Variants in MIOX observed in about 807,000 individuals in gnomAD.
MIOX encodes the protein inositol oxygenase.
MIOX carries 51 observed loss-of-function variants against 42.7 expected under a neutral mutation model. That is an observed-to-expected ratio of 1.19 (90% CI 0.95 to 1.51). The LOEUF (loss-of-function observed/expected upper bound fraction) is 1.51. Ranked by LOEUF, MIOX falls within the 40% of genes most tolerant of loss-of-function variation. MIOX has a pLI of 0.00. For synonymous variants in MIOX, 168 were observed against 154.4 expected (o/e 1.09, Z -0.65); for missense variants, 395 against 381.3 (o/e 1.04, Z -0.30).
In MIOX at chr22:50,490,616, C is replaced by T. The variant is rs1045794997; in HGVS notation, c.*760C>T. The T allele has an allele frequency of 3.3e-5, 5 of 151,214 alleles. No homozygotes were observed. Among genetic ancestry groups the T allele is most frequent in the African/African-American group, 1.2e-4 (5 of 41,312 alleles). 9.4% of individuals were successfully genotyped at this position (151,214 alleles called of 1,614,324 possible). ...CTGGGTATCAAGAGTGAAATTCCAT[C>T]TCAAAAAAAATAAATAAAATAAAAT... On this transcript the variant is annotated 3_prime_UTR_variant, in exon 10 of 10. Transcript: ENST00000216075.
chr22:50,489,921 G>A lies in MIOX; in HGVS notation c.*65G>A. 6.7e-7 allele frequency: 1 copy of A among 1,491,630 alleles called. No homozygotes were observed. Among genetic ancestry groups the A allele is most frequent in the East Asian group, 2.3e-5 (1 of 44,070 alleles). 92.4% of individuals were successfully genotyped at this position (1,491,630 alleles called of 1,614,324 possible). ...CCCTCCGCCTGCCTGGAGAGGCCTGGCCCTGGGCAAACAGCCGCCATCAGG... is the reference window on the plus strand; with the variant it reads ...CCCTCCGCCTGCCTGGAGAGGCCTGACCCTGGGCAAACAGCCGCCATCAGG... On this transcript the variant is annotated 3_prime_UTR_variant, in exon 10 of 10. Coordinates refer to ENST00000216075, the MANE Select transcript of MIOX (RefSeq NM_017584.6).
chr22:50,487,717 A>G lies in MIOX; in HGVS notation c.152A>G (p.Gln51Arg), dbSNP rs1479911217. 1 of 1,613,902 alleles carries G rather than the reference A, an allele frequency of 6.2e-7. No individual in the cohort carries two copies. The part of the protein sequence containing the change: ...FTTYKLMHTH[Q>R]TVDFVRSKHA... ...ACCTACAAGCTCATGCACACGCACC[A>G]GACAGTGGACTTCGTCAGGAGCAAG... is the stretch of plus-strand genomic sequence containing the variant. The change falls in exon 3 of 10, where the codon CAG becomes CGG. Residue 51 changes from glutamine (Q) to arginine (R), a missense_variant. Coordinates refer to ENST00000216075, the MANE Select transcript of MIOX (RefSeq NM_017584.6).
At position 50,487,470 on chromosome 22, in the gene MIOX, GT is replaced by G. The variant is rs766686461; in HGVS notation, c.96+6del. The G allele has an allele frequency of 2.7e-5, 43 of 1,612,162 alleles. No homozygotes were observed. The highest frequency in any genetic ancestry group is 5.1e-6 in the Non-Finnish European group (6 of 1,179,034). ...GCCAGCTTCCGGAACTACACGGTGA[GT>G]ACCTTGCCGTCCTGCCCCCCTTCTC... On this transcript the variant is annotated splice_donor_region_variant and intron_variant, in intron 2 of 9. Coordinates refer to ENST00000216075, the MANE Select transcript of MIOX (RefSeq NM_017584.6).
At position 50,488,033 on chromosome 22, in the gene MIOX, G is replaced by A. The variant is rs777152878; in HGVS notation, c.325G>A (p.Ala109Thr). The A allele has an allele frequency of 3.1e-6, 5 of 1,613,534 alleles. No individual in the cohort carries two copies. Among genetic ancestry groups the A allele is most frequent in the African/African-American group, 1.3e-5 (1 of 74,922 alleles). Reference sequence around the variant, plus strand: ...CCAGACAGCGGAGGGCATCCGGAAGGCCCACCCAGACAAGGGTGAGCCCTG... The same window carrying A: ...CCAGACAGCGGAGGGCATCCGGAAGACCCACCCAGACAAGGGTGAGCCCTG... ...AFQTAEGIRK[A>T]HPDKDWFHLV... Residue 109 changes from alanine (A) to threonine (T), a missense_variant, in exon 4 of 10, where the codon GCC becomes ACC. Coordinates refer to ENST00000216075, the MANE Select transcript of MIOX (RefSeq NM_017584.6).
chr22:50,489,865 C>A lies in MIOX; in HGVS notation c.*9C>A. On this transcript the variant is annotated 3_prime_UTR_variant, in exon 10 of 10. Transcript: ENST00000216075. ...GCATCCTGAGCTGGTGACCCTCCTG[C>A]CACCCAAGCTGCTGCTGGACCTAGG... The A allele has an allele frequency of 6.2e-7, 1 of 1,607,242 alleles. No homozygotes were observed.
At chr22:50,487,772 G>T in intron 3 of MIOX, 30 bp downstream of exon 3, 1 of 1,612,756 alleles carries the variant, frequency 6.2e-7, no homozygotes, top group Non-Finnish European at 8.5e-7. Flanking sequence ...CCGTGCAAAC[G>T]CGGAGGGACC....
chr22:50,487,398 C>T lies in MIOX; in HGVS notation c.29C>T (p.Ser10Phe). 2 of 1,613,684 alleles carry T rather than the reference C, an allele frequency of 1.2e-6. No homozygotes were observed. The highest frequency in any genetic ancestry group is 1.7e-6 in the Non-Finnish European group (2 of 1,179,764). ...CCACCTACCCAGGGCCCAGACCCTT[C>T]CCTGGTCTACCGACCTGATGTGGAC... Reference protein sequence around the residue: MKVTVGPDPSLVYRPDVDPE... With the variant: MKVTVGPDPFLVYRPDVDPE... Residue 10 changes from serine (S) to phenylalanine (F), a missense_variant, in exon 2 of 10, where the codon TCC (serine) becomes TTC (phenylalanine). Coordinates refer to ENST00000216075, the MANE Select transcript of MIOX (RefSeq NM_017584.6).
chr22:50,488,976 T>C (rs186797086), intron 5 of MIOX, 64 bp from the exon 6 acceptor site: 40,112 of 941,784 alleles, frequency 0.043, 1,943 homozygotes, highest in South Asian at 0.056. Flanking sequence ...CTGCAGTGGG[T>C]GGTCATCGGC....
chr22:50,489,098 T>A lies in MIOX; in HGVS notation c.467T>A (p.Phe156Tyr), dbSNP rs1465660072. 6.2e-7 allele frequency: 1 copy of A among 1,612,950 alleles called. No homozygotes were observed. The highest frequency in any genetic ancestry group is 1.3e-5 in the African/African-American group (1 of 74,754). Residue 156 changes from phenylalanine (F) to tyrosine (Y), a missense_variant, in exon 6 of 10, where the codon TTC becomes TAC. By Grantham distance (22) the Phe-to-Tyr change is conservative. Coordinates refer to ENST00000216075, the MANE Select transcript of MIOX (RefSeq NM_017584.6). ...VGCRPQASVV[F>Y]CDSTFQDNPD... ...TGCCGTCCGCAGGCCTCCGTGGTTT[T>A]CTGCGACTCCACCTTCCAGGACAAC...
Position 50,490,119 on chromosome 22 carries a change from C to A in MIOX, c.*263C>A. ...GGGATGGTGCCAGCAGGGTGGAGGC[C>A]AAGTCCCAGGCTTTCAGGTGTGTGT... On this transcript the variant is annotated 3_prime_UTR_variant, in exon 10 of 10. Coordinates refer to ENST00000216075, the MANE Select transcript of MIOX (RefSeq NM_017584.6). 1 of 518,430 alleles carries A rather than the reference C, an allele frequency of 1.9e-6. No individual in the cohort carries two copies. Among genetic ancestry groups the A allele is most frequent in the South Asian group, 2.1e-5 (1 of 47,784 alleles). The allele number at this position is 518,430 out of a possible 1,614,324, so 32.1% of individuals were successfully genotyped here. A position where few individuals can be genotyped will look rare whatever the true frequency, so the allele number is the denominator to read the frequency against.
rs1392873050 is a variant in MIOX at position 50,487,476 on chromosome 22, T to G, written c.96+11T>G. 1 of 1,609,410 alleles carries G rather than the reference T, an allele frequency of 6.2e-7. No homozygotes were observed. The highest frequency in any genetic ancestry group is 1.7e-5 in the Admixed American group (1 of 59,742). On this transcript the variant is annotated intron_variant, in intron 2 of 9. Transcript: ENST00000216075. ...TTCCGGAACTACACGGTGAGTACCT[T>G]GCCGTCCTGCCCCCCTTCTCCCCCA...
At chr22:50,489,193 T>G (rs1236637439) in intron 6 of MIOX, 35 bp from the exon 7 acceptor site, 1 of 1,611,716 alleles carries the variant, frequency 6.2e-7, no homozygotes, top group Non-Finnish European at 8.5e-7. Flanking sequence ...CCTGGGCGGC[T>G]GCTGAGCCCT....
chr22:50,490,142 T>A lies in MIOX; in HGVS notation c.*286T>A. 2.1e-6 allele frequency: 1 copy of A among 481,452 alleles called. No individual in the cohort carries two copies. Among genetic ancestry groups the A allele is most frequent in the Non-Finnish European group, 3.8e-6 (1 of 261,652 alleles). 29.8% of individuals were successfully genotyped at this position (481,452 alleles called of 1,614,324 possible). On this transcript the variant is annotated 3_prime_UTR_variant, in exon 10 of 10. Transcript: ENST00000216075. ...GCCAAGTCCCAGGCTTTCAGGTGTGTGTGTCCCACCACACTGGCCGTGGTA... is the reference window on the plus strand; with the variant it reads ...GCCAAGTCCCAGGCTTTCAGGTGTGAGTGTCCCACCACACTGGCCGTGGTA...
In MIOX at chr22:50,489,817, G is replaced by A. The variant is rs367613925; in HGVS notation, c.819G>A (p.Gly273=). The change falls in exon 10 of 10, where the codon GGG becomes GGA. Residue 273 remains glycine (G), a synonymous_variant. Coordinates refer to ENST00000216075, the MANE Select transcript of MIOX (RefSeq NM_017584.6). ...DVDKLRPYYQ[G]LIDKYCPGIL... is the part of the protein sequence containing the mutation. ...ACAAGCTGCGGCCCTACTACCAGGG[G>A]CTCATTGACAAGTACTGCCCTGGCA... 6 of 1,611,502 alleles carry A rather than the reference G, an allele frequency of 3.7e-6. No homozygotes were observed. The African/African-American group carries it at 5.3e-5, about 14-fold the overall frequency.
rs577214368 is a variant in MIOX at position 50,490,351 on chromosome 22, C to T, written c.*495C>T. On this transcript the variant is annotated 3_prime_UTR_variant, in exon 10 of 10. Transcript: ENST00000216075. ...AACAAATGCAGGCTGGGCACAGCGGCTCACACCTATAATCCCAGCACTTTG... is the reference window on the plus strand; with the variant it reads ...AACAAATGCAGGCTGGGCACAGCGGTTCACACCTATAATCCCAGCACTTTG... 5.7e-6 allele frequency: 1 copy of T among 174,958 alleles called. No individual in the cohort carries two copies. The highest frequency in any genetic ancestry group is 2.4e-5 in the African/African-American group (1 of 42,478). The allele number at this position is 174,958 out of a possible 1,614,324, so 10.8% of individuals were successfully genotyped here. A position where few individuals can be genotyped will look rare whatever the true frequency, so the allele number is the denominator to read the frequency against.
intron 3 of MIOX, 55 bp downstream of exon 3, chr22:50,487,797 C>T: frequency 1.2e-6 from 2 of 1,611,336 alleles, no homozygotes; most frequent in Non-Finnish European, 8.5e-7. Context: ...CCCTCAGCCC[C>T]ATGAGCCCAC....
At chr22:50,488,195 G>A (rs766445628) in intron 4 of MIOX, 80 bp from the exon 5 acceptor site, 1 of 1,598,828 alleles carries the variant, frequency 6.3e-7, no homozygotes, top group African/African-American at 1.3e-5. Flanking sequence ...GACCCTTCCT[G>A]GCTCTCAGCC....
chr22:50,488,931 C>T, intron 5 of MIOX, 109 bp from the exon 6 acceptor site: 4 of 744,426 alleles, frequency 5.4e-6, no homozygotes, highest in Non-Finnish European at 8.9e-6. Context: ...CACCTTCCCC[C>T]ACTCCCCCCA....
chr22:50,486,950 C>T lies in MIOX; in HGVS notation c.15+38C>T, dbSNP rs779688799. On this transcript the variant is annotated intron_variant, in intron 1 of 9. Coordinates refer to ENST00000216075, the MANE Select transcript of MIOX (RefSeq NM_017584.6). ...ACCCCATGCAGAGAGGCTCTGCTGA[C>T]TGCTCTCCTGGTGGCCAGCCACTCC... 5 of 1,612,072 alleles carry T rather than the reference C, an allele frequency of 3.1e-6. No homozygotes were observed. In the South Asian group the frequency reaches 5.5e-5, roughly 18 times the overall value.
Sources: gnomAD v4.1 joint callset for allele counts on GRCh38, gnomAD v4.1.1 for gene constraint, MANE v1.5 for transcripts, NCBI Gene and HGNC (gene_info 2026-07-23, HGNC 2026-07-21) for gene names.